The following CIZ1 variants were observed in gnomAD, a reference collection of about 807,000 sequenced individuals.
The protein encoded by CIZ1 is cip1-interacting zinc finger protein.
CIZ1 carries 58 observed loss-of-function variants against 118.6 expected under a neutral mutation model. The ratio of observed to expected loss-of-function variants is 0.49; its 90% CI spans 0.40 to 0.61. The LOEUF (loss-of-function observed/expected upper bound fraction) is 0.61, where lower values mean the gene tolerates loss of function less well. CIZ1 is among the 20% of genes least tolerant of loss of function. The pLI is 0.00. For synonymous variants in CIZ1, 448 were observed against 443.4 expected (o/e 1.01, Z -0.13); for missense variants, 921 against 1,115.9 (o/e 0.83, Z 2.49).
chr9:128,198,884 C>A (rs1833442601), intron 1 of CIZ1, among the ~76,000 whole-genome samples: 3 of 152,058 alleles, frequency 2.0e-5, no homozygotes, highest in Admixed American at 2.0e-4. Flanking sequence ...ATTCACCACA[C>A]AGCATCTCTG....
At chr9:128,185,905 G>A in intron 4 of CIZ1, 129 bp from the exon 5 acceptor site, 1 of 708,970 alleles carries the variant, frequency 1.4e-6, no homozygotes, top group African/African-American at 1.8e-5. Context: ...CCCACCCAAG[G>A]GCAGCCAAAG....
intron 5 of CIZ1, among the ~76,000 whole-genome samples, chr9:128,183,714 T>C (rs778815568): frequency 6.6e-6 from 1 of 152,210 alleles, no homozygotes; most frequent in Non-Finnish European, 1.5e-5. Context: ...TAGGATTTTA[T>C]AGCATTGTTC....
At chr9:128,193,898 G>A (rs757691078), upstream of CIZ1, among the ~76,000 whole-genome samples, 65 of 152,092 alleles carry the variant, frequency 4.3e-4, no homozygotes, top group Non-Finnish European at 8.2e-4. Flanking sequence ...CTCCCGGGGT[G>A]GTAAGGATGA....
At chr9:128,177,542 C>CCCCCCCAAAT in intron 10 of CIZ1, 24 bp downstream of exon 10, 1 of 1,229,498 alleles carries the variant, frequency 8.1e-7, no homozygotes, top group Non-Finnish European at 1.1e-6. Context: ...CACCCCTCCC[C>CCCCCCCAAAT]ACCCTTATCT....
chr9:128,185,631 G>T lies in CIZ1; in HGVS notation c.504C>A (p.Pro168=). 1.3e-6 allele frequency: 2 copies of T among 1,572,278 alleles called. No individual in the cohort carries two copies. Among genetic ancestry groups the T allele is most frequent in the Non-Finnish European group, 1.7e-6 (2 of 1,158,632 alleles). The change falls in exon 5 of 17, where the codon CCC becomes CCA. Residue 168 remains proline (P), a synonymous_variant. Coordinates refer to ENST00000372938, the MANE Select transcript of CIZ1 (RefSeq NM_001131016.2). ...AAAGGTTGAACTGGGAAGGGTTCATGGGGACCCCAACAGGAGGAGGTCCCA... is the reference window on the plus strand; with the variant it reads ...AAAGGTTGAACTGGGAAGGGTTCATTGGGACCCCAACAGGAGGAGGTCCCA... ...SLLGPPPVGV[P]MNPSQFNLSG... is the part of the protein sequence containing the mutation.
chr9:128,203,789 C>G lies in CIZ1; in HGVS notation c.-6+397G>C, dbSNP rs575427347. On this transcript the variant is annotated intron_variant, in intron 1 of 17. Coordinates refer to the CIZ1 transcript ENST00000372948. The surrounding 1 kb of genome is among the most constrained non-coding windows in gnomAD (Gnocchi z 5.3). ...AGCCGGAGCGAGGAGGCCCTCCCCC[C>G]ACCACGAGAGCCCCTCGGGGCAGCA... is the stretch of plus-strand genomic sequence containing the variant. 8.0e-5 allele frequency among the ~76,000 whole-genome samples: 12 copies of G among 149,912 alleles called. No individual in the cohort carries two copies. In the South Asian group the frequency reaches 2.1e-3, roughly 26 times the overall value.
chr9:128,185,512 C>CCG, intron 5 of CIZ1, 35 bp downstream of exon 5: 1 of 1,388,660 alleles, frequency 7.2e-7, no homozygotes. Flanking sequence ...CCCAGGGTCC[C>CCG]CTCCCGCCCA....
rs1381167998 is a variant in CIZ1 at position 128,166,942 on chromosome 9, C to T, written c.2366-62G>A. 1.9e-6 allele frequency: 3 copies of T among 1,613,108 alleles called. No individual in the cohort carries two copies. In the East Asian group the frequency reaches 6.7e-5, roughly 36 times the overall value. ...CTGTACCAGCGAGGTGTCCCTCCCT[C>T]TCTAGGGGCCCATGTGCTCCCCAAC... On this transcript the variant is annotated intron_variant, in intron 15 of 16. Coordinates refer to ENST00000372938, the MANE Select transcript of CIZ1 (RefSeq NM_001131016.2). The surrounding 1 kb of genome is among the most constrained non-coding windows in gnomAD (Gnocchi z 4.4).
In CIZ1 at chr9:128,180,477, G is replaced by A. The variant is rs1425475435; in HGVS notation, c.729C>T (p.Arg243=). 1 of 1,614,144 alleles carries A rather than the reference G, an allele frequency of 6.2e-7. No individual in the cohort carries two copies. ...PCPEDIAKEK[R]TPAPEPEPCE... ...AAGGCTCAGGCTCAGGTGCTGGAGT[G>A]CGTTTTTCCTTGGCGATGTCCTCTG... The change falls in exon 7 of 17, where the codon CGC becomes CGT. Residue 243 remains arginine, a synonymous_variant. Transcript: ENST00000372938.
chr9:128,172,147 C>CAAAAAAA (rs58895140), intron 11 of CIZ1, among the ~76,000 whole-genome samples: 108 of 69,088 alleles, frequency 1.6e-3, no homozygotes, highest in African/African-American at 7.0e-3. Context: ...GACACTGTCT[C>CAAAAAAA]AAAAAAAAAA....
Position 128,180,524 on chromosome 9 carries a change from C to T in CIZ1, c.683-1G>A, listed in dbSNP as rs760484731. Reference sequence around the variant, plus strand: ...TCTGGGCAGGGCGGTAAATCTTGGTCTGGAATGGAGGCATGAGCGAGGGAA... The same window carrying T: ...TCTGGGCAGGGCGGTAAATCTTGGTTTGGAATGGAGGCATGAGCGAGGGAA... On this transcript the variant is annotated splice_acceptor_variant, in intron 6 of 16. Coordinates refer to ENST00000372938, the MANE Select transcript of CIZ1 (RefSeq NM_001131016.2). LOFTEE classifies it high-confidence loss of function. 5.6e-6 allele frequency: 9 copies of T among 1,613,188 alleles called. No homozygotes were observed. The East Asian group carries it at 1.8e-4, about 32-fold the overall frequency.
intron 11 of CIZ1, among the ~76,000 whole-genome samples, chr9:128,173,821 AC>A (rs1830483277): frequency 6.6e-6 from 1 of 151,964 alleles, no homozygotes; most frequent in Non-Finnish European, 1.5e-5. Context: ...CCTGGCTAAC[AC>A]AGAGAAACCC....
intron 4 of CIZ1, among the ~76,000 whole-genome samples, chr9:128,187,489 G>T (rs45599939): frequency 1.3e-5 from 2 of 152,200 alleles, no homozygotes; most frequent in African/African-American, 4.8e-5. Flanking sequence ...TTCCTGATCT[G>T]TAAAAAGGGG....
At position 128,203,659 on chromosome 9, in the gene CIZ1, A is replaced by C; in HGVS notation, c.-6+527T>G. The C allele has an allele frequency of 6.7e-7, 1 of 1,486,092 alleles. No homozygotes were observed. The allele number at this position is 1,486,092 out of a possible 1,614,324, so 92.1% of individuals were successfully genotyped here. Reference sequence around the variant, plus strand: ...AGGCGCGGCGCGCCCCCAGGCGCCGACCCCCGACCCCCGGGATCCCTGGAG... The same window carrying C: ...AGGCGCGGCGCGCCCCCAGGCGCCGCCCCCCGACCCCCGGGATCCCTGGAG... On this transcript the variant is annotated intron_variant, in intron 1 of 17. Transcript: ENST00000372948. The surrounding 1 kb of genome is among the most constrained non-coding windows in gnomAD (Gnocchi z 5.3).
intron 8 of CIZ1, 25 bp downstream of exon 8, chr9:128,178,684 C>A (rs1311565899): frequency 6.2e-7 from 1 of 1,602,486 alleles, no homozygotes; most frequent in South Asian, 1.1e-5. Flanking sequence ...ATCACCAGAC[C>A]AGCTGGGAGC....
chr9:128,189,415 C>T (rs1030156420), intron 3 of CIZ1, among the ~76,000 whole-genome samples: 3 of 152,190 alleles, frequency 2.0e-5, no homozygotes, highest in South Asian at 2.1e-4. Context: ...TAATCAATAC[C>T]GACTTGTTAT....
At chr9:128,169,577 C>T (rs1484441887) in intron 12 of CIZ1, 58 bp from the exon 13 acceptor site, 2 of 1,600,868 alleles carry the variant, frequency 1.2e-6, no homozygotes, top group Non-Finnish European at 1.7e-6. Flanking sequence ...CTGACTAGCA[C>T]CCAGGCAGGG....
chr9:128,167,180 T>C lies in CIZ1; in HGVS notation c.2296-16A>G. On this transcript the variant is annotated splice_polypyrimidine_tract_variant and intron_variant, in intron 14 of 16. Transcript: ENST00000372938. Reference sequence around the variant, plus strand: ...TGGACCTCACCTGAAAACATGCAAGTGTGGGCCTCGGATCTGGCTTCCCCT... The same window carrying C: ...TGGACCTCACCTGAAAACATGCAAGCGTGGGCCTCGGATCTGGCTTCCCCT... 1 of 1,557,010 alleles carries C rather than the reference T, an allele frequency of 6.4e-7. No homozygotes were observed. The highest frequency in any genetic ancestry group is 8.7e-7 in the Non-Finnish European group (1 of 1,150,172).
Position 128,189,810 on chromosome 9 carries a change from G to T in CIZ1, c.286+519C>A, listed in dbSNP as rs1216062637. On this transcript the variant is annotated intron_variant, in intron 3 of 16. Transcript: ENST00000372938. ...ACTCCACTCCAGCCTGGGCGACAGA[G>T]CAAAACTCTGTCTCAAAAAAAAAAA... 5.0e-5 allele frequency among the ~76,000 whole-genome samples: 5 copies of T among 99,646 alleles called. No individual in the cohort carries two copies. In the East Asian group the frequency reaches 1.7e-3, roughly 34 times the overall value. The allele number at this position is 99,646 out of a possible 152,430, so 65.4% of individuals were successfully genotyped here.
Sources: gnomAD v4.1 joint callset for allele counts (sites outside exome capture counted in the v4.1 genomes callset) on GRCh38, gnomAD v4.1.1 for gene constraint, Gnocchi (gnomAD v3.1) non-coding constraint, MANE v1.5 for transcripts, NCBI Gene and HGNC (gene_info 2026-07-23, HGNC 2026-07-21) for gene names.